DNAJA4: variants seen among roughly 807,000 people sequenced by gnomAD.
DNAJA4 encodes the protein DnaJ heat shock protein family (Hsp40) member A4.
In DNAJA4, 32 loss-of-function variants were observed where a neutral mutation model predicts 39.7. That is an observed-to-expected ratio of 0.81 (90% CI 0.61 to 1.08). The LOEUF (loss-of-function observed/expected upper bound fraction) is 1.08, where lower values mean the gene tolerates loss of function less well. Among genes scored for constraint, DNAJA4 ranks in the 50% least tolerant of loss-of-function variants. The pLI is 0.00. For synonymous variants in DNAJA4, 184 were observed against 182.4 expected (o/e 1.01, Z -0.07); for missense variants, 439 against 505.1 (o/e 0.87, Z 1.25).
In DNAJA4 at chr15:78,280,231, C is replaced by A; in HGVS notation, c.979-14C>A. On this transcript the variant is annotated splice_polypyrimidine_tract_variant and intron_variant, in intron 6 of 6. Transcript: ENST00000394852. ...AAAAACAGCCACCTTTCTTTCCCACCTCACCCTTTACAGGTAATCTTTCCT... is the reference window on the plus strand; with the variant it reads ...AAAAACAGCCACCTTTCTTTCCCACATCACCCTTTACAGGTAATCTTTCCT... 2 of 1,612,930 alleles carry A rather than the reference C, an allele frequency of 1.2e-6. No individual in the cohort carries two copies. Among genetic ancestry groups the A allele is most frequent in the South Asian group, 1.1e-5 (1 of 91,046 alleles).
In DNAJA4 at chr15:78,274,236, T is replaced by A; in HGVS notation, c.458T>A (p.Leu153Gln). The change falls in exon 4 of 7, where the codon CTG becomes CAG. Residue 153 changes from leucine to glutamine, a missense_variant. Transcript: ENST00000394852. ...AAGGGATCGGTGGAGAAGTGCCCGC[T>A]GTGCAAGGGGCGGGGGATGCAGATC... ...GKKGSVEKCP[L>Q]CKGRGMQIHI... 6.2e-7 allele frequency: 1 copy of A among 1,614,062 alleles called. No homozygotes were observed. The highest frequency in any genetic ancestry group is 8.5e-7 in the Non-Finnish European group (1 of 1,179,998).
chr15:78,275,411 T>C, intron 4 of DNAJA4, 87 bp from the exon 5 acceptor site: 1 of 1,097,752 alleles, frequency 9.1e-7, no homozygotes, highest in Non-Finnish European at 1.3e-6. Context: ...AAAGAATCCC[T>C]GAAGGACTCT....
At chr15:78,264,174 C>G (rs1383507667), upstream of DNAJA4, 1 of 541,058 alleles carries the variant, frequency 1.8e-6, no homozygotes, top group African/African-American at 2.0e-5. Flanking sequence ...GGGCTCCGGC[C>G]AACACAGCCC....
chr15:78,267,136 A>T (rs199581335), intron 1 of DNAJA4, among the ~76,000 whole-genome samples: 1 of 103,176 alleles, frequency 9.7e-6, no homozygotes, highest in African/African-American at 3.8e-5. Flanking sequence ...GTGAGTGTGT[A>T]TGTGAGTGTG....
At chr15:78,269,051 A>C (rs2049223414) in intron 1 of DNAJA4, among the ~76,000 whole-genome samples, 1 of 152,196 alleles carries the variant, frequency 6.6e-6, no homozygotes, top group African/African-American at 2.4e-5. Context: ...CAGACTGCAG[A>C]GTTGAGGAAC....
intron 1 of DNAJA4, among the ~76,000 whole-genome samples, chr15:78,267,145 T>TGTGTGTGTGTATGTGA (rs2049148183): frequency 5.2e-5 from 5 of 95,584 alleles, no homozygotes; most frequent in African/African-American, 7.7e-5. Flanking sequence ...TATGTGAGTG[T>TGTGTGTGTGTATGTGA]GTGTGTGAGT....
chr15:78,272,906 T>C (rs1418858309), intron 2 of DNAJA4, among the ~76,000 whole-genome samples, 189 bp from the exon 3 acceptor site: 2 of 152,222 alleles, frequency 1.3e-5, no homozygotes, highest in Non-Finnish European at 2.9e-5. Flanking sequence ...TTAGCTCTTG[T>C]TATTGGCTGA....
rs1332850148 is a variant in DNAJA4, at chr15:78,274,375, G to A, written c.597G>A (p.Gly199=). 1.2e-6 allele frequency: 2 copies of A among 1,614,216 alleles called. No homozygotes were observed. The highest frequency in any genetic ancestry group is 1.1e-5 in the South Asian group (1 of 91,082). ...AGGACCGCTGCGAGAGCTGCAGCGG[G>A]GCCAAGGTGATCCGTGAGAAGAAGA... The part of the protein sequence containing the change: ...NPKDRCESCS[G]AKVIREKKII... The change falls in exon 4 of 7, where the codon GGG becomes GGA. Residue 199 remains glycine, a synonymous_variant. Transcript: ENST00000394852.
intron 1 of DNAJA4, among the ~76,000 whole-genome samples, chr15:78,267,279 C>T (rs1261482516): frequency 2.0e-5 from 3 of 151,800 alleles, no homozygotes; most frequent in Non-Finnish European, 4.4e-5. Flanking sequence ...CTCCTAAGTT[C>T]GTCACTGTAT....
intron 3 of DNAJA4, among the ~76,000 whole-genome samples, chr15:78,273,715 C>A (rs1157502437): frequency 6.6e-6 from 1 of 152,094 alleles, no homozygotes; most frequent in African/African-American, 2.4e-5. Flanking sequence ...GTTTCTTGAC[C>A]CCTGACTTAA....
intron 1 of DNAJA4, among the ~76,000 whole-genome samples, chr15:78,269,574 G>A (rs562419395): frequency 1.4e-4 from 21 of 152,256 alleles, no homozygotes; most frequent in African/African-American, 4.8e-4. Context: ...AGCCCTAAGT[G>A]CTGCGTGTTT....
chr15:78,264,916 C>T (rs376387729), intron 1 of DNAJA4, 21 bp downstream of exon 1: 4 of 1,568,864 alleles, frequency 2.5e-6, no homozygotes, highest in African/African-American at 2.7e-5. Flanking sequence ...GCGCGGGGCA[C>T]GGGCCGGGCT....
chr15:78,281,655 T>TA lies in DNAJA4; in HGVS notation c.*1196dup, dbSNP rs1178767057. ...TAGGGTTACCTCAGTCTTTAGCCAT[T>TA]ACTGCTTATTTCTTTTCCCCAAGTC... is the stretch of plus-strand genomic sequence containing the variant. On this transcript the variant is annotated 3_prime_UTR_variant, in exon 7 of 7. Transcript: ENST00000394852. The TA allele has an allele frequency of 2.6e-5, 4 of 152,362 alleles. No individual in the cohort carries two copies. The highest frequency in any genetic ancestry group is 4.1e-4 in the South Asian group (2 of 4,830). The allele number at this position is 152,362 out of a possible 1,614,324, so 9.4% of individuals were successfully genotyped here.
Position 78,270,623 on chromosome 15 carries a change from G to A in DNAJA4, c.259G>A (p.Asp87Asn), listed in dbSNP as rs1431045306. The A allele has an allele frequency of 6.2e-7, 1 of 1,614,190 alleles. No individual in the cohort carries two copies. The highest frequency in any genetic ancestry group is 1.7e-5 in the Admixed American group (1 of 60,018). Residue 87 changes from aspartate (D) to asparagine (N), a missense_variant, in exon 2 of 7, where the codon GAC becomes AAC. Asp to Asn is a conservative substitution (Grantham distance 23). Transcript: ENST00000394852. Reference protein sequence around the residue: ...SGSPSFSSPMDIFDMFFGGGG... With the variant: ...SGSPSFSSPMNIFDMFFGGGG... ...CAGCCCCAGCTTCTCTTCACCCATGGACATCTTTGACATGTTCTTTGGTGG... is the reference window on the plus strand; with the variant it reads ...CAGCCCCAGCTTCTCTTCACCCATGAACATCTTTGACATGTTCTTTGGTGG...
At position 78,280,501 on chromosome 15, in the gene DNAJA4, A is replaced by G; in HGVS notation, c.*41A>G. 6.6e-7 allele frequency: 1 copy of G among 1,513,932 alleles called. No homozygotes were observed. Among genetic ancestry groups the G allele is most frequent in the Non-Finnish European group, 9.0e-7 (1 of 1,112,704 alleles). The allele number at this position is 1,513,932 out of a possible 1,614,324, so 93.8% of individuals were successfully genotyped here. A position where few individuals can be genotyped will look rare whatever the true frequency, so the allele number is the denominator to read the frequency against. ...CGTGGCCCCACCGGACTAGCACATG[A>G]TGAATGTAAAGTTGGCACAATGAAA... is the stretch of plus-strand genomic sequence containing the variant. On this transcript the variant is annotated 3_prime_UTR_variant, in exon 7 of 7. Coordinates refer to ENST00000394852, the MANE Select transcript of DNAJA4 (RefSeq NM_001130182.2).
At chr15:78,274,128 A>G (rs1446562608) in intron 3 of DNAJA4, 69 bp from the exon 4 acceptor site, 1 of 1,483,706 alleles carries the variant, frequency 6.7e-7, no homozygotes, top group Non-Finnish European at 9.2e-7. Context: ...CCCTTCTGCC[A>G]TGGCGCCCAG....
At chr15:78,264,289 C>G, upstream of DNAJA4, 2 of 1,371,736 alleles carry the variant, frequency 1.5e-6, no homozygotes, top group Non-Finnish European at 1.9e-6. Context: ...CCTCCAGGCC[C>G]AAGCCGCCTT....
intron 5 of DNAJA4, among the ~76,000 whole-genome samples, chr15:78,278,712 C>T (rs999437517): frequency 5.3e-5 from 8 of 151,886 alleles, no homozygotes; most frequent in East Asian, 3.9e-4. Context: ...AGTGCAATGG[C>T]GTGATCTTGG....
Position 78,279,887 on chromosome 15 carries a change from G to T in DNAJA4, c.878-158G>T. 1 of 648,838 alleles carries T rather than the reference G, an allele frequency of 1.5e-6. No homozygotes were observed. The highest frequency in any genetic ancestry group is 1.9e-5 in the South Asian group (1 of 51,942). 40.2% of individuals were successfully genotyped at this position (648,838 alleles called of 1,614,324 possible). A position where few individuals can be genotyped will look rare whatever the true frequency, so the allele number is the denominator to read the frequency against. Reference sequence around the variant, plus strand: ...CCTTCCCCAGGCAGTACCTGACAAGGATACCTGGGATTGGGGCCAGCTTTC... The same window carrying T: ...CCTTCCCCAGGCAGTACCTGACAAGTATACCTGGGATTGGGGCCAGCTTTC... On this transcript the variant is annotated intron_variant, in intron 5 of 6. Coordinates refer to ENST00000394852, the MANE Select transcript of DNAJA4 (RefSeq NM_001130182.2). This position sits in a 1 kb window ranked among gnomAD's most constrained non-coding sequence, Gnocchi z 4.5.
Sources: gnomAD v4.1 joint callset for allele counts (sites outside exome capture counted in the v4.1 genomes callset) on GRCh38, gnomAD v4.1.1 for gene constraint, Gnocchi (gnomAD v3.1) non-coding constraint, MANE v1.5 for transcripts, NCBI Gene and HGNC (gene_info 2026-07-23, HGNC 2026-07-21) for gene names.